The following ULK4 variants were observed in gnomAD, a reference collection of about 807,000 sequenced individuals.
ULK4 encodes the protein inactive serine/threonine-protein kinase ULK4.
In ULK4, 133 loss-of-function variants were observed where a neutral mutation model predicts 160.6. That is an observed-to-expected ratio of 0.83 (90% CI 0.72 to 0.96). The LOEUF is 0.96. Among genes scored for constraint, ULK4 ranks in the 40% least tolerant of loss-of-function variants. The pLI is 0.00. For missense variants in ULK4, 1,580 were observed against 1,499.5 expected (o/e 1.05, Z -0.89); for synonymous variants, 534 against 539.8 (o/e 0.99, Z 0.15).
Position 41,957,286 on chromosome 3 carries a change from TC to T in ULK4, c.-48-2480del, listed in dbSNP as rs543181203. 1.7e-3 allele frequency among the ~76,000 whole-genome samples: 245 copies of T among 148,216 alleles called. 3 individuals carry two copies. The highest frequency in any genetic ancestry group is 5.6e-3 in the African/African-American group (230 of 40,922). ...CTGACCAACATGGCAAAATCCTATCTCTACTAAAAATACAAAAATTAGCCAG... is the reference window on the plus strand; with the variant it reads ...CTGACCAACATGGCAAAATCCTATCTTACTAAAAATACAAAAATTAGCCAG... On this transcript the variant is annotated intron_variant, in intron 1 of 36. Transcript: ENST00000301831.
chr3:41,896,931 G>T lies in ULK4; in HGVS notation c.1421C>A (p.Ser474Tyr). The change falls in exon 15 of 37, where the codon TCC becomes TAC. Residue 474 changes from serine to tyrosine, a missense_variant. Physicochemically the swap from Ser to Tyr is moderately radical, Grantham distance 144. Transcript: ENST00000301831. Reference sequence around the variant, plus strand: ...GGAGGCCCCCATGCTCTTCTCAGTGGAGTCGATCTGCGAGCACACTTGTTG... The same window carrying T: ...GGAGGCCCCCATGCTCTTCTCAGTGTAGTCGATCTGCGAGCACACTTGTTG... Reference protein sequence around the residue: ...FLQQVCSQIDSTEKSMGASRA... With the variant: ...FLQQVCSQIDYTEKSMGASRA... The T allele has an allele frequency of 6.2e-7, 1 of 1,613,504 alleles. No homozygotes were observed. The highest frequency in any genetic ancestry group is 8.5e-7 in the Non-Finnish European group (1 of 1,179,890).
At chr3:41,279,542 G>A (rs1488517203) in intron 35 of ULK4, among the ~76,000 whole-genome samples, 3 of 143,630 alleles carry the variant, frequency 2.1e-5, no homozygotes, top group Non-Finnish European at 4.5e-5. Context: ...AGGAAAAAAT[G>A]TTAAGGACAG....
chr3:41,628,455 C>T (rs2033614559), intron 30 of ULK4, among the ~76,000 whole-genome samples: 1 of 152,160 alleles, frequency 6.6e-6, no homozygotes, highest in South Asian at 2.1e-4. Flanking sequence ...AGCATCACTT[C>T]CATGTTATTC....
chr3:41,667,568 C>G (rs537228319), intron 29 of ULK4, among the ~76,000 whole-genome samples: 1 of 152,286 alleles, frequency 6.6e-6, no homozygotes, highest in East Asian at 1.9e-4. Flanking sequence ...CTTGAAATGG[C>G]CTCAGGGAAG....
chr3:41,944,769 C>A (rs901293762), intron 2 of ULK4, among the ~76,000 whole-genome samples: 1 of 152,048 alleles, frequency 6.6e-6, no homozygotes, highest in African/African-American at 2.4e-5. Flanking sequence ...TATTTCAGTT[C>A]CAGCTTTCAT....
At chr3:41,463,304 G>A (rs766020629) in intron 32 of ULK4, 51 bp from the exon 33 acceptor site, 1 of 1,566,036 alleles carries the variant, frequency 6.4e-7, no homozygotes, top group Non-Finnish European at 8.7e-7. Context: ...GTACACAAAT[G>A]TGTCATATGA....
chr3:41,374,318 G>T (rs975169345), intron 35 of ULK4, among the ~76,000 whole-genome samples: 1 of 152,048 alleles, frequency 6.6e-6, no homozygotes, highest in African/African-American at 2.4e-5. Flanking sequence ...ACCAAAACCC[G>T]GCAGAGACAC....
At chr3:41,630,725 C>T (rs1444226196) in intron 30 of ULK4, among the ~76,000 whole-genome samples, 1 of 152,192 alleles carries the variant, frequency 6.6e-6, no homozygotes, top group Non-Finnish European at 1.5e-5. Flanking sequence ...CTACCAGAGC[C>T]TGAACTTGCC....
intron 30 of ULK4, among the ~76,000 whole-genome samples, chr3:41,656,040 T>C (rs2034924282): frequency 1.3e-5 from 2 of 152,312 alleles, no homozygotes; most frequent in South Asian, 2.1e-4. Flanking sequence ...GTCCCACCCA[T>C]GCAGTTTTTT....
chr3:41,774,229 A>C (rs1445977313), intron 21 of ULK4, among the ~76,000 whole-genome samples: 1 of 151,672 alleles, frequency 6.6e-6, no homozygotes, highest in African/African-American at 2.4e-5. Flanking sequence ...AATGGGATCT[A>C]ATTAAACTAA....
At position 41,247,083 on chromosome 3, in the gene ULK4, G is replaced by A. The variant is rs551018778; in HGVS notation, c.3765-91C>T. ...AAAGGGGCCAGCCTCTTTTGCACCCGAGTATCTGGTGGACCAGCTGCAGCA... is the reference window on the plus strand; with the variant it reads ...AAAGGGGCCAGCCTCTTTTGCACCCAAGTATCTGGTGGACCAGCTGCAGCA... On this transcript the variant is annotated intron_variant, in intron 36 of 36. Coordinates refer to ENST00000301831, the MANE Select transcript of ULK4 (RefSeq NM_017886.4). 1.4e-5 allele frequency: 18 copies of A among 1,267,952 alleles called. No homozygotes were observed. In the African/African-American group the frequency reaches 1.5e-4, roughly 10 times the overall value. 78.5% of individuals were successfully genotyped at this position (1,267,952 alleles called of 1,614,324 possible).
At chr3:41,730,762 A>G (rs1333040037) in intron 22 of ULK4, among the ~76,000 whole-genome samples, 1 of 152,214 alleles carries the variant, frequency 6.6e-6, no homozygotes, top group Non-Finnish European at 1.5e-5. Context: ...AACTCATTCT[A>G]CGGTATCACT....
intron 30 of ULK4, among the ~76,000 whole-genome samples, chr3:41,632,539 C>T (rs974127267): frequency 6.6e-6 from 1 of 151,976 alleles, no homozygotes; most frequent in African/African-American, 2.4e-5. Context: ...ATCATAAATG[C>T]TAGGATAGAT....
chr3:41,469,602 C>CAAAAAAAAAAA (rs71616008), intron 32 of ULK4, among the ~76,000 whole-genome samples: 2 of 11,310 alleles, frequency 1.8e-4, no homozygotes, highest in African/African-American at 3.2e-4. Flanking sequence ...CTACACCTGC[C>CAAAAAAAAAAA]AAAAAAAAAA....
chr3:41,726,559 T>C (rs1014434017), intron 22 of ULK4, among the ~76,000 whole-genome samples: 1 of 152,186 alleles, frequency 6.6e-6, no homozygotes, highest in Non-Finnish European at 1.5e-5. Context: ...GATAACACAC[T>C]GAAAAGAAAT....
chr3:41,687,971 G>A (rs995354245), intron 27 of ULK4: 1 of 152,224 alleles, frequency 6.6e-6, no homozygotes, highest in Admixed American at 6.5e-5. Flanking sequence ...AAGTTGAAGG[G>A]AGGTGGACGC....
chr3:41,643,324 G>C (rs994758439), intron 30 of ULK4, among the ~76,000 whole-genome samples: 2 of 152,080 alleles, frequency 1.3e-5, no homozygotes, highest in Admixed American at 6.6e-5. Flanking sequence ...TATGGTTTTA[G>C]GTGTAACGTT....
intron 32 of ULK4, among the ~76,000 whole-genome samples, chr3:41,529,269 A>G (rs139589082): frequency 6.6e-6 from 1 of 152,200 alleles, no homozygotes; most frequent in African/African-American, 2.4e-5. Context: ...AAAATTTCTA[A>G]AAGTTGGAGC....
At chr3:41,690,076 T>C (rs1272998647) in intron 27 of ULK4, among the ~76,000 whole-genome samples, 2 of 146,146 alleles carry the variant, frequency 1.4e-5, no homozygotes, top group Non-Finnish European at 3.0e-5. Context: ...ATTAAGAAAA[T>C]GTGGCACATA....
Sources: allele counts gnomAD v4.1 joint callset (sites outside exome capture counted in the v4.1 genomes callset), GRCh38; gene constraint gnomAD v4.1.1; transcripts MANE v1.5; gene names NCBI Gene and HGNC (gene_info 2026-07-23, HGNC 2026-07-21).